Variants in TSBP1 observed in about 807,000 individuals in gnomAD.
TSBP1 encodes testis-expressed basic protein 1.
In TSBP1, 56 loss-of-function variants were observed where a neutral mutation model predicts 68.8. The observed-to-expected ratio is 0.81, with a 90% CI of 0.66 to 1.02. TSBP1 has a LOEUF of 1.02. Ranked by LOEUF, TSBP1 falls within the 50% of genes least tolerant of loss-of-function variation. TSBP1 has a pLI of 0.00. For missense variants in TSBP1, 502 were observed against 641.2 expected, an observed-to-expected ratio of 0.78 and a Z score of 2.34; for synonymous variants, 171 against 208.7, an observed-to-expected ratio of 0.82 and a Z score of 1.56.
In TSBP1 at chr6:32,365,727, A is replaced by G. The variant is rs1773628205; in HGVS notation, c.217+440T>C. 1 of 420,074 alleles carries G rather than the reference A, an allele frequency of 2.4e-6. No homozygotes were observed. Among genetic ancestry groups the G allele is most frequent in the Admixed American group, 2.6e-5 (1 of 38,448 alleles). 26.0% of individuals were successfully genotyped at this position (420,074 alleles called of 1,614,324 possible). A position where few individuals can be genotyped will look rare whatever the true frequency, so the allele number is the denominator to read the frequency against. ...GTTGTGCCACCTTGGGGGAGGAGTG[A>G]TGTGGGTAAAGTGAAACTGTTCTTC... On this transcript the variant is annotated intron_variant, in intron 6 of 22. Coordinates refer to ENST00000612031, the Ensembl canonical transcript of TSBP1. The surrounding 1 kb of genome is among the most constrained non-coding windows in gnomAD (Gnocchi z 4.3).
intron 16 of TSBP1, 84 bp downstream of exon 17, chr6:32,330,505 G>A: frequency 1.6e-6 from 2 of 1,270,276 alleles, no homozygotes; most frequent in Non-Finnish European, 2.2e-6. Flanking sequence ...GACACATCTA[G>A]GGCATTTGAG....
intron 9 of TSBP1, among the ~76,000 whole-genome samples, chr6:32,341,160 C>T (rs1770304123): frequency 1.3e-5 from 2 of 151,986 alleles, no homozygotes; most frequent in South Asian, 4.2e-4. Flanking sequence ...ATAAGCAGGG[C>T]AGTGGAAGGT....
At chr6:32,324,279 G>T in intron 16 of TSBP1, 1 of 303,568 alleles carries the variant, frequency 3.3e-6, no homozygotes, top group Non-Finnish European at 6.4e-6. Flanking sequence ...GACCAGATAT[G>T]GCAGGAGGTT....
intron 9 of TSBP1, among the ~76,000 whole-genome samples, chr6:32,347,082 G>A (rs530774077): frequency 9.2e-5 from 14 of 152,030 alleles, no homozygotes; most frequent in Non-Finnish European, 1.6e-4. Flanking sequence ...AACACATTAT[G>A]TTGTATACCA....
intron 4 of TSBP1, among the ~76,000 whole-genome samples, chr6:32,366,795 T>C (rs2127662468): frequency 6.7e-6 from 1 of 150,060 alleles, no homozygotes; most frequent in South Asian, 2.1e-4. Flanking sequence ...AAGTTTATCA[T>C]TAGTCTCAAT....
chr6:32,358,562 C>G (rs1401775780), intron 6 of TSBP1, among the ~76,000 whole-genome samples: 1 of 151,934 alleles, frequency 6.6e-6, no homozygotes, highest in African/African-American at 2.4e-5. Flanking sequence ...TATCCCTCCC[C>G]GCTCCCCTCA....
At chr6:32,355,788 G>T in intron 6 of TSBP1, 119 bp from the exon 7 acceptor site, 1 of 1,274,502 alleles carries the variant, frequency 7.8e-7, no homozygotes, top group Admixed American at 3.0e-5. Flanking sequence ...GCAAGAAACT[G>T]GAGACAAAAT....
chr6:32,365,862 T>C lies in TSBP1; in HGVS notation c.217+305A>G, dbSNP rs1773641459. 1 of 499,384 alleles carries C rather than the reference T, an allele frequency of 2.0e-6. No individual in the cohort carries two copies. 30.9% of individuals were successfully genotyped at this position (499,384 alleles called of 1,614,324 possible). A position where few individuals can be genotyped will look rare whatever the true frequency, so the allele number is the denominator to read the frequency against. On this transcript the variant is annotated intron_variant, in intron 6 of 22. Transcript: ENST00000612031. This position sits in a 1 kb window ranked among gnomAD's most constrained non-coding sequence, Gnocchi z 4.3. ...ATGGTATTGTCTCATCTGTGGATAG[T>C]TGTCTAAATTGATGCTTCTGTGTGG... is the stretch of plus-strand genomic sequence containing the variant.
At chr6:32,318,039 A>G (rs1767163604) in intron 18 of TSBP1, among the ~76,000 whole-genome samples, 1 of 152,210 alleles carries the variant, frequency 6.6e-6, no homozygotes, top group Non-Finnish European at 1.5e-5. Context: ...TAACAATGAC[A>G]TGGAATCAAC....
chr6:32,292,941 T>C lies in TSBP1; in HGVS notation c.*40A>G. ...GTTTGTATCTGGAGTATGGGAATCATAATAATCACTTGTCTTATGGGCCTT... is the reference window on the plus strand; with the variant it reads ...GTTTGTATCTGGAGTATGGGAATCACAATAATCACTTGTCTTATGGGCCTT... On this transcript the variant is annotated 3_prime_UTR_variant, in exon 23 of 23. Transcript: ENST00000612031. This position sits in a 1 kb window ranked among gnomAD's most constrained non-coding sequence, Gnocchi z 4.1. 1 of 1,232,008 alleles carries C rather than the reference T, an allele frequency of 8.1e-7. No individual in the cohort carries two copies. Among genetic ancestry groups the C allele is most frequent in the Non-Finnish European group, 1.2e-6 (1 of 859,010 alleles). 76.3% of individuals were successfully genotyped at this position (1,232,008 alleles called of 1,614,324 possible). A position where few individuals can be genotyped will look rare whatever the true frequency, so the allele number is the denominator to read the frequency against.
intron 18 of TSBP1, among the ~76,000 whole-genome samples, chr6:32,319,003 A>AT (rs1767297036): frequency 6.6e-6 from 1 of 152,148 alleles, no homozygotes. Context: ...GAGAGGAGAT[A>AT]TTTTCCAGAA....
At chr6:32,354,045 TAAAAG>T (rs1459247407) in intron 8 of TSBP1, among the ~76,000 whole-genome samples, 1 of 151,890 alleles carries the variant, frequency 6.6e-6, no homozygotes, top group African/African-American at 2.4e-5. Flanking sequence ...GCAGAAACTC[TAAAAG>T]AAAACAAGAG....
At chr6:32,345,866 T>C (rs369782617) in intron 9 of TSBP1, among the ~76,000 whole-genome samples, 3 of 152,286 alleles carry the variant, frequency 2.0e-5, no homozygotes, top group Admixed American at 6.5e-5. Flanking sequence ...GCCTCATCCA[T>C]TCTGTAGGAG....
At position 32,316,473 on chromosome 6, in the gene TSBP1, A is replaced by G; in HGVS notation, c.560-681T>C. ...GAAAGGAGCAAGTTTCCTTCTAGGGAGAGATATTTGTGTTGGGGAGAATCT... is the reference window on the plus strand; with the variant it reads ...GAAAGGAGCAAGTTTCCTTCTAGGGGGAGATATTTGTGTTGGGGAGAATCT... On this transcript the variant is annotated intron_variant, in intron 18 of 22. Coordinates refer to ENST00000612031, the Ensembl canonical transcript of TSBP1. This position sits in a 1 kb window ranked among gnomAD's most constrained non-coding sequence, Gnocchi z 4.5. 1 of 1,422,810 alleles carries G rather than the reference A, an allele frequency of 7.0e-7. No individual in the cohort carries two copies. Among genetic ancestry groups the G allele is most frequent in the Non-Finnish European group, 9.7e-7 (1 of 1,034,106 alleles). The allele number at this position is 1,422,810 out of a possible 1,614,324, so 88.1% of individuals were successfully genotyped here.
At chr6:32,299,829 A>G (rs1329131754) in intron 22 of TSBP1, 93 bp downstream of exon 25, 1 of 996,976 alleles carries the variant, frequency 1.0e-6, no homozygotes, top group South Asian at 1.3e-5. Flanking sequence ...CCTTAGAAGC[A>G]CAGGCCTCTA....
chr6:32,318,877 A>C (rs1035467550), intron 18 of TSBP1, among the ~76,000 whole-genome samples: 2 of 152,170 alleles, frequency 1.3e-5, no homozygotes, highest in Non-Finnish European at 2.9e-5. Flanking sequence ...AAAAGCATTA[A>C]ATTCCACACT....
chr6:32,325,853 A>T lies in TSBP1; in HGVS notation c.515-2239T>A. The T allele has an allele frequency of 7.1e-7, 1 of 1,411,520 alleles. No homozygotes were observed. The highest frequency in any genetic ancestry group is 9.9e-7 in the Non-Finnish European group (1 of 1,010,640). The allele number at this position is 1,411,520 out of a possible 1,614,324, so 87.4% of individuals were successfully genotyped here. A position where few individuals can be genotyped will look rare whatever the true frequency, so the allele number is the denominator to read the frequency against. On this transcript the variant is annotated intron_variant, in intron 16 of 22. Coordinates refer to ENST00000612031, the Ensembl canonical transcript of TSBP1. The surrounding 1 kb of genome is among the most constrained non-coding windows in gnomAD (Gnocchi z 4.4). ...GGTCATGGAGGTGGTTTCGGTGGGA[A>T]TGACAACTTTGATCATGGAGGAAAC... is the stretch of plus-strand genomic sequence containing the variant.
At chr6:32,362,539 A>G (rs1307643028) in intron 6 of TSBP1, among the ~76,000 whole-genome samples, 3 of 152,240 alleles carry the variant, frequency 2.0e-5, no homozygotes, top group African/African-American at 7.2e-5. Context: ...ACAGATTAAG[A>G]CAAATATTAA....
chr6:32,308,064 C>T (rs9268180), intron 19 of TSBP1, among the ~76,000 whole-genome samples: 30,974 of 151,794 alleles, frequency 0.2, 3,329 homozygotes, highest in Non-Finnish European at 0.22. Flanking sequence ...CATGAGCCAC[C>T]GCACCTGGCC....
Sources: allele counts gnomAD v4.1 joint callset (sites outside exome capture counted in the v4.1 genomes callset), GRCh38; gene constraint gnomAD v4.1.1; non-coding constraint Gnocchi (gnomAD v3.1); transcripts MANE v1.5; gene names NCBI Gene and HGNC (gene_info 2026-07-23, HGNC 2026-07-21).